Variants in MCTP2 observed in about 807,000 individuals in gnomAD.
MCTP2 encodes the protein multiple C2 and transmembrane domain containing 2, also known as multiple C2 and transmembrane domain-containing protein 2.
Under a neutral mutation model 111.6 loss-of-function variants are expected in MCTP2, and 132 were observed. That is an observed-to-expected ratio of 1.18 (90% confidence interval 1.03 to 1.37). MCTP2 has a LOEUF of 1.37. MCTP2 is among the 40% of genes most tolerant of loss of function. The probability of loss-of-function intolerance (pLI) is 0.00; values close to 1 mark genes in which losing one functional copy is unlikely to be tolerated. For missense variants in MCTP2, 1,183 were observed against 1,067.9 expected, an observed-to-expected ratio of 1.11 and a Z score of -1.50; for synonymous variants, 395 against 387.7, an observed-to-expected ratio of 1.02 and a Z score of -0.22.
chr15:94,252,006 A>G (rs191196351), intron 1 of MCTP2, among the ~76,000 whole-genome samples: 1 of 152,250 alleles, frequency 6.6e-6, no homozygotes, highest in Admixed American at 6.5e-5. Flanking sequence ...TGTTGTATGT[A>G]TTTATCGCAT....
At chr15:94,456,677 G>C (rs1324590425) in intron 19 of MCTP2, among the ~76,000 whole-genome samples, 1 of 152,196 alleles carries the variant, frequency 6.6e-6, no homozygotes, top group Non-Finnish European at 1.5e-5. Flanking sequence ...TTGAAAGTTT[G>C]ATATTGCAGA....
chr15:94,466,245 C>G (rs184426889), intron 20 of MCTP2, among the ~76,000 whole-genome samples: 2 of 152,156 alleles, frequency 1.3e-5, no homozygotes, highest in African/African-American at 4.8e-5. Flanking sequence ...TTTGCTGGCT[C>G]TTACTCATGG....
chr15:94,260,138 C>G (rs2073094228), intron 1 of MCTP2, among the ~76,000 whole-genome samples: 1 of 152,150 alleles, frequency 6.6e-6, no homozygotes, highest in South Asian at 2.1e-4. Context: ...TTTCTCTACC[C>G]AAGGAACCTT....
intron 21 of MCTP2, among the ~76,000 whole-genome samples, chr15:94,470,699 G>T (rs545816253): frequency 1.3e-5 from 2 of 152,200 alleles, no homozygotes; most frequent in East Asian, 3.9e-4. Context: ...TTTCCCTTTG[G>T]GCTTTGCTAG....
Position 94,480,247 on chromosome 15 carries a change from G to T in MCTP2, c.*1213G>T, listed in dbSNP as rs1458300860. Reference sequence around the variant, plus strand: ...ACTGTATTTTGTTGACACATACTTTGTGCAGTTTTTATGTATGTATGTATT... The same window carrying T: ...ACTGTATTTTGTTGACACATACTTTTTGCAGTTTTTATGTATGTATGTATT... On this transcript the variant is annotated 3_prime_UTR_variant, in exon 23 of 23. Transcript: ENST00000357742. 6.6e-6 allele frequency: 1 copy of T among 151,448 alleles called. No homozygotes were observed. The highest frequency in any genetic ancestry group is 2.4e-5 in the African/African-American group (1 of 41,160). 9.4% of individuals were successfully genotyped at this position (151,448 alleles called of 1,614,324 possible). A position where few individuals can be genotyped will look rare whatever the true frequency, so the allele number is the denominator to read the frequency against.
chr15:94,298,521 G>A lies in MCTP2; in HGVS notation c.256G>A (p.Gly86Arg). The change falls in exon 2 of 23, where the codon GGG becomes AGG. Residue 86 changes from glycine to arginine, a missense_variant. Physicochemically the swap from Gly to Arg is moderately radical, Grantham distance 125. Transcript: ENST00000357742. The part of the protein sequence containing the change: ...TSVPSSLSTA[G>R]IFPKSSSSSL... ...GGTGCCCAGCAGTCTGTCCACTGCAGGGATCTTTCCCAAGAGCAGCAGTAG... is the reference window on the plus strand; with the variant it reads ...GGTGCCCAGCAGTCTGTCCACTGCAAGGATCTTTCCCAAGAGCAGCAGTAG... The A allele has an allele frequency of 6.2e-7, 1 of 1,614,134 alleles. No individual in the cohort carries two copies.
chr15:94,278,564 T>A (rs2074326006), intron 1 of MCTP2, among the ~76,000 whole-genome samples: 1 of 152,144 alleles, frequency 6.6e-6, no homozygotes, highest in South Asian at 2.1e-4. Context: ...AGGATTTGAT[T>A]TGATTTGATT....
Position 94,294,136 on chromosome 15 carries a change from C to T in MCTP2, c.-65-4065C>T, listed in dbSNP as rs920087234. Among the ~76,000 whole-genome samples the T allele has an allele frequency of 7.2e-5, 11 of 152,100 alleles. No homozygotes were observed. In the East Asian group the frequency reaches 1.5e-3, roughly 21 times the overall value. ...CTAAAAGTTATATACTGTGTGATTC[C>T]GTTTAGAAAACATTCCCCGAAAGAC... On this transcript the variant is annotated intron_variant, in intron 1 of 22. Transcript: ENST00000357742.
chr15:94,440,029 TTG>T, intron 17 of MCTP2, 145 bp from the exon 18 acceptor site: 1 of 856,144 alleles, frequency 1.2e-6, no homozygotes, highest in African/African-American at 1.7e-5. Flanking sequence ...GAGTTGATCA[TTG>T]TGTGTGTGCG....
At chr15:94,390,098 A>ATATGTATATATATATATGTATATG (rs796755565) in intron 14 of MCTP2, among the ~76,000 whole-genome samples, 1 of 34,426 alleles carries the variant, frequency 2.9e-5, no homozygotes, top group Non-Finnish European at 5.9e-5. Context: ...ATGTATATAT[A>ATATGTATATATATATATGTATATG]TATATATATA....
At chr15:94,310,630 G>C (rs1415765693) in intron 2 of MCTP2, among the ~76,000 whole-genome samples, 1 of 151,844 alleles carries the variant, frequency 6.6e-6, no homozygotes, top group East Asian at 1.9e-4. Context: ...GCAGCTGTGA[G>C]AAGGCATCTC....
rs1369040787 is a variant in MCTP2 at position 94,482,436 on chromosome 15, A to G, written c.*3402A>G. The G allele has an allele frequency of 6.6e-6, 1 of 152,218 alleles. No homozygotes were observed. Among genetic ancestry groups the G allele is most frequent in the East Asian group, 1.9e-4 (1 of 5,200 alleles). The allele number at this position is 152,218 out of a possible 1,614,324, so 9.4% of individuals were successfully genotyped here. The stretch of plus-strand genomic sequence containing the variant: ...GCTGGACTATGGGATGAGGGAGCGT[A>G]GAGTCAAGGATGGCTCTCAGTCCCT... On this transcript the variant is annotated 3_prime_UTR_variant, in exon 23 of 23. Transcript: ENST00000357742.
At chr15:94,472,506 A>G (rs981298157) in intron 21 of MCTP2, among the ~76,000 whole-genome samples, 4 of 152,236 alleles carry the variant, frequency 2.6e-5, no homozygotes, top group Admixed American at 2.6e-4. Context: ...ATCCTCCAAG[A>G]TCTTGGCAGC....
At chr15:94,392,950 T>C (rs956418698) in intron 14 of MCTP2, among the ~76,000 whole-genome samples, 7 of 152,198 alleles carry the variant, frequency 4.6e-5, no homozygotes, top group African/African-American at 1.7e-4. Flanking sequence ...CTAATGAGCT[T>C]CTATGTTTAT....
At chr15:94,465,643 T>G (rs957179484) in intron 20 of MCTP2, among the ~76,000 whole-genome samples, 41 of 152,180 alleles carry the variant, frequency 2.7e-4, no homozygotes, top group African/African-American at 9.6e-4. Context: ...ATGTTTCTCT[T>G]GTATCTCACC....
intron 14 of MCTP2, among the ~76,000 whole-genome samples, chr15:94,394,840 T>C (rs1010034020): frequency 1.3e-5 from 2 of 152,190 alleles, no homozygotes; most frequent in African/African-American, 4.8e-5. Context: ...TACACAACTT[T>C]TGGAATGAAT....
intron 1 of MCTP2, among the ~76,000 whole-genome samples, chr15:94,239,867 T>C (rs893684815): frequency 2.6e-5 from 4 of 152,228 alleles, no homozygotes; most frequent in Admixed American, 6.5e-5. Context: ...CCCCAAATTA[T>C]GTTTGATCAG....
intron 1 of MCTP2, among the ~76,000 whole-genome samples, chr15:94,243,937 A>G (rs1238154695): frequency 1.4e-5 from 2 of 147,370 alleles, no homozygotes; most frequent in Non-Finnish European, 3.0e-5. Context: ...ATATGTGTAC[A>G]CATACATATA....
intron 1 of MCTP2, among the ~76,000 whole-genome samples, chr15:94,270,522 C>T (rs1363623563): frequency 1.3e-5 from 2 of 152,156 alleles, no homozygotes; most frequent in Non-Finnish European, 2.9e-5. Context: ...AATGCGATCT[C>T]CTGCTCCCCT....
Sources: allele counts gnomAD v4.1 joint callset (sites outside exome capture counted in the v4.1 genomes callset), GRCh38; gene constraint gnomAD v4.1.1; transcripts MANE v1.5; gene names NCBI Gene and HGNC (gene_info 2026-07-23, HGNC 2026-07-21).